Variants in TRIM62 observed in about 807,000 individuals in gnomAD.
The protein encoded by TRIM62 is tripartite motif containing 62, also known as E3 ubiquitin-protein ligase TRIM62.
Under a neutral mutation model 44.2 loss-of-function variants are expected in TRIM62, and 39 were observed. That is an observed-to-expected ratio of 0.88 (90% CI 0.68 to 1.15). The LOEUF is 1.15. Ranked by LOEUF, TRIM62 falls within the 50% of genes most tolerant of loss-of-function variation. The pLI is 0.00. For synonymous variants in TRIM62, 278 were observed against 292.3 expected, an observed-to-expected ratio of 0.95 and a Z score of 0.50; for missense variants, 544 against 665.5, an observed-to-expected ratio of 0.82 and a Z score of 2.01.
intron 1 of TRIM62, among the ~76,000 whole-genome samples, chr1:33,175,186 G>A (rs1458407207): frequency 6.6e-6 from 1 of 150,930 alleles, no homozygotes; most frequent in East Asian, 1.9e-4. Context: ...TTATAGGTGT[G>A]TGCCACGAAT....
At chr1:33,157,823 C>T (rs1645201838) in intron 4 of TRIM62, among the ~76,000 whole-genome samples, 1 of 151,704 alleles carries the variant, frequency 6.6e-6, no homozygotes, top group Non-Finnish European at 1.5e-5. Flanking sequence ...GTGGCTCAGT[C>T]TCAGCTCACT....
chr1:33,168,759 T>C (rs1045027103), intron 1 of TRIM62, among the ~76,000 whole-genome samples: 14 of 152,208 alleles, frequency 9.2e-5, no homozygotes, highest in African/African-American at 3.4e-4. Context: ...CTGACAGCCT[T>C]GGGCTATCCA....
At position 33,146,364 on chromosome 1, in the gene TRIM62, TCA is replaced by T. The variant is rs1645021720; in HGVS notation, c.*811_*812del. Reference sequence around the variant, plus strand: ...TGGAAGCCTCCTGCACCCTAGCAGGTCACAGAGGCCTGGCTGAAGAGGGTTGG... The same window carrying T: ...TGGAAGCCTCCTGCACCCTAGCAGGTCAGAGGCCTGGCTGAAGAGGGTTGG... On this transcript the variant is annotated 3_prime_UTR_variant, in exon 5 of 5. Coordinates refer to ENST00000291416, the MANE Select transcript of TRIM62 (RefSeq NM_018207.3). The T allele has an allele frequency of 6.1e-6, 1 of 163,974 alleles. No individual in the cohort carries two copies. The highest frequency in any genetic ancestry group is 2.4e-5 in the African/African-American group (1 of 41,582). 10.2% of individuals were successfully genotyped at this position (163,974 alleles called of 1,614,324 possible). A position where few individuals can be genotyped will look rare whatever the true frequency, so the allele number is the denominator to read the frequency against.
At position 33,147,674 on chromosome 1, in the gene TRIM62, A is replaced by C. The variant is rs1321107925; in HGVS notation, c.931T>G (p.Ser311Ala). 1.9e-6 allele frequency: 3 copies of C among 1,613,774 alleles called. No homozygotes were observed. The highest frequency in any genetic ancestry group is 2.5e-6 in the Non-Finnish European group (3 of 1,179,998). ...TAAGCCACAATGGTGCAGTCGTCCG[A>C]CAGGATCAGGCGCTGGTGGGCTGTG... ...PGTAHQRLIL[S>A]DDCTIVAYGN... The change falls in exon 5 of 5, where the codon TCG (serine) becomes GCG (alanine). Residue 311 changes from serine to alanine, a missense_variant. Physicochemically the swap from Ser to Ala is moderately conservative, Grantham distance 99. Transcript: ENST00000291416. The surrounding 1 kb of genome is among the most constrained non-coding windows in gnomAD (Gnocchi z 8.1).
In TRIM62 at chr1:33,147,807, A is replaced by G. The variant is rs922883170; in HGVS notation, c.878-80T>C. 6.6e-6 allele frequency: 10 copies of G among 1,510,376 alleles called. No homozygotes were observed. The highest frequency in any genetic ancestry group is 5.8e-5 in the Admixed American group (3 of 51,554). The allele number at this position is 1,510,376 out of a possible 1,614,324, so 93.6% of individuals were successfully genotyped here. A position where few individuals can be genotyped will look rare whatever the true frequency, so the allele number is the denominator to read the frequency against. Reference sequence around the variant, plus strand: ...CCATGCAGTGCCTTCCTGAGGGCAGAGTTCTGGTTGGTACGCAGGAGGCCT... The same window carrying G: ...CCATGCAGTGCCTTCCTGAGGGCAGGGTTCTGGTTGGTACGCAGGAGGCCT... On this transcript the variant is annotated intron_variant, in intron 4 of 4. Transcript: ENST00000291416. The surrounding 1 kb of genome is among the most constrained non-coding windows in gnomAD (Gnocchi z 8.1).
chr1:33,181,383 A>G lies in TRIM62; in HGVS notation c.50T>C (p.Ile17Thr), dbSNP rs749559894. 2 of 1,602,306 alleles carry G rather than the reference A, an allele frequency of 1.2e-6. No homozygotes were observed. The highest frequency in any genetic ancestry group is 1.7e-6 in the Non-Finnish European group (2 of 1,176,894). ...DELLCSICLS[I>T]YQDPVSLGCE... is the part of the protein sequence containing the mutation. ...GCCCAGGCTCACCGGGTCCTGGTAG[A>G]TGCTCAGGCAGATGGAGCACAGCAG... Residue 17 changes from isoleucine (I) to threonine (T), a missense_variant, in exon 1 of 5, where the codon ATC (isoleucine) becomes ACC (threonine). Coordinates refer to ENST00000291416, the MANE Select transcript of TRIM62 (RefSeq NM_018207.3). This position sits in a 1 kb window ranked among gnomAD's most constrained non-coding sequence, Gnocchi z 6.5.
intron 4 of TRIM62, among the ~76,000 whole-genome samples, chr1:33,148,913 A>C (rs1262736460): frequency 4.6e-5 from 7 of 152,172 alleles, no homozygotes; most frequent in Non-Finnish European, 8.8e-5. Flanking sequence ...CAGAGCCAGG[A>C]CTAACCAAGG....
chr1:33,147,178 T>C lies in TRIM62; in HGVS notation c.1427A>G (p.Ter476TrpextTer48). 4 of 1,613,206 alleles carry C rather than the reference T, an allele frequency of 2.5e-6. No individual in the cohort carries two copies. The highest frequency in any genetic ancestry group is 3.4e-6 in the Non-Finnish European group (4 of 1,179,722). ...QPLRINTVRI* is the reference protein window; with the variant it reads ...QPLRINTVRIW ...GGTTGTGGTCTCCTTCTGCCTGGAC[T>C]AGATGCGGACGGTGTTGATCCGCAG... Residue 476 changes from the stop codon to tryptophan (W), a stop_lost, in exon 5 of 5, where the codon TAG becomes TGG. Coordinates refer to ENST00000291416, the MANE Select transcript of TRIM62 (RefSeq NM_018207.3). This position sits in a 1 kb window ranked among gnomAD's most constrained non-coding sequence, Gnocchi z 8.1.
At chr1:33,178,692 T>G in intron 1 of TRIM62, among the ~76,000 whole-genome samples, 1 of 152,200 alleles carries the variant, frequency 6.6e-6, no homozygotes, top group East Asian at 1.9e-4. Flanking sequence ...ATGAAGTGAC[T>G]CACCAAGGTG....
chr1:33,173,166 A>T (rs1645387403), intron 1 of TRIM62, among the ~76,000 whole-genome samples: 1 of 152,142 alleles, frequency 6.6e-6, no homozygotes, highest in Non-Finnish European at 1.5e-5. Flanking sequence ...ACAGACTGGA[A>T]TTATTTTATA....
At position 33,159,886 on chromosome 1, in the gene TRIM62, A is replaced by T. The variant is rs1357082135; in HGVS notation, c.563T>A (p.Leu188Gln). 2 of 1,610,844 alleles carry T rather than the reference A, an allele frequency of 1.2e-6. No individual in the cohort carries two copies. Among genetic ancestry groups the T allele is most frequent in the Admixed American group, 3.3e-5 (2 of 60,022 alleles). The change falls in exon 3 of 5, where the codon CTG becomes CAG. Residue 188 changes from leucine to glutamine, a missense_variant. Leu to Gln is a moderately radical substitution (Grantham distance 113). Coordinates refer to ENST00000291416, the MANE Select transcript of TRIM62 (RefSeq NM_018207.3). This position sits in a 1 kb window ranked among gnomAD's most constrained non-coding sequence, Gnocchi z 4.2. ...CATGGCCTTCTGGCGTTCACGCAGC[A>T]GCCGGTGCAGCCGCTCGAAGGCCTC... ...IGEAFERLHRLLRERQKAMLE... is the reference protein window; with the variant it reads ...IGEAFERLHRQLRERQKAMLE...
chr1:33,149,997 G>A, intron 4 of TRIM62, among the ~76,000 whole-genome samples: 1 of 152,192 alleles, frequency 6.6e-6, no homozygotes, highest in East Asian at 1.9e-4. Context: ...GCATCACCTG[G>A]CTCTGGGCTG....
chr1:33,152,812 C>T (rs59983645), intron 4 of TRIM62, among the ~76,000 whole-genome samples: 32,437 of 151,796 alleles, frequency 0.21, 3,545 homozygotes, highest in South Asian at 0.3. Flanking sequence ...AGGAATGTGC[C>T]GGGACTCAAA....
At chr1:33,150,262 T>G (rs114620365) in intron 4 of TRIM62, among the ~76,000 whole-genome samples, 1 of 152,184 alleles carries the variant, frequency 6.6e-6, no homozygotes, top group Non-Finnish European at 1.5e-5. Flanking sequence ...ACTGGCGAAG[T>G]GGGGACATGG....
chr1:33,148,437 GAAC>G (rs1451750541), intron 4 of TRIM62, among the ~76,000 whole-genome samples: 24 of 152,158 alleles, frequency 1.6e-4, no homozygotes, highest in African/African-American at 5.8e-4. Flanking sequence ...ACTTCCCTAA[GAAC>G]TGTTTGCTTT....
intron 4 of TRIM62, among the ~76,000 whole-genome samples, chr1:33,148,106 G>C (rs530268616): frequency 6.6e-6 from 1 of 152,128 alleles, no homozygotes; most frequent in Admixed American, 6.5e-5. Flanking sequence ...TGCCCCCTAG[G>C]GGGAATGGGG....
intron 1 of TRIM62, among the ~76,000 whole-genome samples, chr1:33,178,567 G>C (rs143505008): frequency 6.6e-6 from 1 of 152,204 alleles, no homozygotes; most frequent in Non-Finnish European, 1.5e-5. Flanking sequence ...ATTCCAGCCC[G>C]TACTGTGTGC....
At chr1:33,158,475 A>G in intron 3 of TRIM62, 107 bp from the exon 4 acceptor site, 2 of 819,756 alleles carry the variant, frequency 2.4e-6, no homozygotes, top group Non-Finnish European at 4.1e-6. Flanking sequence ...TGTGGTCATG[A>G]GTGAGAAGTC....
intron 1 of TRIM62, among the ~76,000 whole-genome samples, 193 bp downstream of exon 1, chr1:33,180,832 C>A (rs1645454618): frequency 6.8e-6 from 1 of 147,472 alleles, no homozygotes; most frequent in Admixed American, 6.7e-5. Flanking sequence ...CCCGCCCCCA[C>A]GGCCCCGCCA....
Sources: gnomAD v4.1 joint callset for allele counts (sites outside exome capture counted in the v4.1 genomes callset) on GRCh38, gnomAD v4.1.1 for gene constraint, Gnocchi (gnomAD v3.1) non-coding constraint, MANE v1.5 for transcripts, NCBI Gene and HGNC (gene_info 2026-07-23, HGNC 2026-07-21) for gene names.